Variants in AKR1C8 observed in about 807,000 individuals in gnomAD.
AKR1C8 encodes the protein aldo-keto reductase family 1 member C-like protein 1.
the AKR1C8 span, among the ~76,000 whole-genome samples, chr10:5,147,293 G>T: frequency 6.6e-6 from 1 of 152,048 alleles, no homozygotes; most frequent in Non-Finnish European, 1.5e-5. Context: ...AATCCCACTA[G>T]GCCCCACTTC....
At chr10:5,173,339 ACC>A in the AKR1C8 span, among the ~76,000 whole-genome samples, 1 of 152,086 alleles carries the variant, frequency 6.6e-6, no homozygotes, top group African/African-American at 2.4e-5. Context: ...AATGCCTTTA[ACC>A]CCAGTCACTT....
chr10:5,169,152 G>C, the AKR1C8 span, among the ~76,000 whole-genome samples: 3 of 152,164 alleles, frequency 2.0e-5, no homozygotes, highest in Non-Finnish European at 4.4e-5. Flanking sequence ...GTGTTTTACT[G>C]TCTGCTCTTT....
the AKR1C8 span, among the ~76,000 whole-genome samples, chr10:5,180,239 C>T: frequency 3.3e-5 from 5 of 152,226 alleles, no homozygotes; most frequent in African/African-American, 9.7e-5. Context: ...TAGAGGTCCA[C>T]TCCAGACCCT....
At chr10:5,126,018 G>A in the AKR1C8 span, among the ~76,000 whole-genome samples, 1 of 152,182 alleles carries the variant, frequency 6.6e-6, no homozygotes, top group Non-Finnish European at 1.5e-5. Context: ...AGCAGGACTT[G>A]AGTTCCAGAT....
chr10:5,165,418 C>T, the AKR1C8 span, among the ~76,000 whole-genome samples: 1 of 152,110 alleles, frequency 6.6e-6, no homozygotes, highest in South Asian at 2.1e-4. Context: ...CCATGGGGAG[C>T]CTTGTCAGCC....
chr10:5,147,127 G>A, the AKR1C8 span, among the ~76,000 whole-genome samples: 1 of 152,150 alleles, frequency 6.6e-6, no homozygotes, highest in Non-Finnish European at 1.5e-5. Context: ...ATGCGCTGAC[G>A]TCAGATGGTG....
chr10:5,163,966 A>G, the AKR1C8 span, among the ~76,000 whole-genome samples: 1 of 151,984 alleles, frequency 6.6e-6, no homozygotes, highest in Non-Finnish European at 1.5e-5. Context: ...AGGCTTCTAG[A>G]AAGTAGTCTC....
the AKR1C8 span, among the ~76,000 whole-genome samples, chr10:5,144,700 T>C: frequency 6.6e-6 from 1 of 152,188 alleles, no homozygotes; most frequent in South Asian, 2.1e-4. Flanking sequence ...AGAATGCTTG[T>C]GATATTTGTA....
the AKR1C8 span, chr10:5,132,850 A>G: frequency 1.7e-6 from 1 of 593,364 alleles, no homozygotes; most frequent in Non-Finnish European, 2.8e-6. Context: ...CCCTCACAAA[A>G]ATCACATTAT....
the AKR1C8 span, among the ~76,000 whole-genome samples, chr10:5,157,010 C>T: frequency 0.13 from 19,672 of 152,166 alleles, 1,537 homozygotes; most frequent in Admixed American, 0.17. Context: ...TAACTTCACT[C>T]CTCAATTTCT....
chr10:5,155,276 A>G, the AKR1C8 span: 3 of 152,406 alleles, frequency 2.0e-5, no homozygotes, highest in African/African-American at 7.2e-5. Context: ...AGTCATTATT[A>G]CATATGCATT....
At chr10:5,171,389 C>T in the AKR1C8 span, among the ~76,000 whole-genome samples, 7 of 152,062 alleles carry the variant, frequency 4.6e-5, no homozygotes, top group East Asian at 3.9e-4. Flanking sequence ...ATAATACACA[C>T]TAAGATATAT....
chr10:5,156,181 G>T, the AKR1C8 span, among the ~76,000 whole-genome samples: 1 of 152,118 alleles, frequency 6.6e-6, no homozygotes, highest in Admixed American at 6.5e-5. Flanking sequence ...CAGAGCCTTA[G>T]AACACAGGAA....
At chr10:5,149,061 A>G in the AKR1C8 span, among the ~76,000 whole-genome samples, 1 of 152,140 alleles carries the variant, frequency 6.6e-6, no homozygotes, top group African/African-American at 2.4e-5. Context: ...AAATATATAT[A>G]TAGCTGTTAT....
At chr10:5,143,705 A>G in the AKR1C8 span, among the ~76,000 whole-genome samples, 4 of 148,052 alleles carry the variant, frequency 2.7e-5, no homozygotes, top group Non-Finnish European at 6.0e-5. Flanking sequence ...ATATTATTAA[A>G]TATATTTAGA....
chr10:5,144,674 C>T, the AKR1C8 span, among the ~76,000 whole-genome samples: 1 of 151,968 alleles, frequency 6.6e-6, no homozygotes, highest in Non-Finnish European at 1.5e-5. Context: ...GGCTCTCTGT[C>T]TGTTATTGGT....
the AKR1C8 span, among the ~76,000 whole-genome samples, chr10:5,180,956 C>T: frequency 1.2e-3 from 182 of 152,326 alleles, 1 homozygote; most frequent in South Asian, 1.2e-3. Context: ...GGCAATGCCT[C>T]GCCCTGCTTT....
the AKR1C8 span, chr10:5,185,063 A>G: frequency 1.2e-4 from 63 of 534,682 alleles, 1 homozygote; most frequent in Middle Eastern, 3.2e-4. Context: ...AGGGTCCATC[A>G]TTCAGCCTCA....
the AKR1C8 span, among the ~76,000 whole-genome samples, chr10:5,152,243 G>A: frequency 3.9e-5 from 6 of 152,098 alleles, no homozygotes; most frequent in Non-Finnish European, 5.9e-5. Context: ...ACTAACAACA[G>A]GTGTGCTATA....
Sources: gnomAD v4.1 joint callset for allele counts (sites outside exome capture counted in the v4.1 genomes callset) on GRCh38, gnomAD v4.1.1 for gene constraint, MANE v1.5 for transcripts, NCBI Gene and HGNC (gene_info 2026-07-23, HGNC 2026-07-21) for gene names.